The following COP1 variants were observed in gnomAD, a reference collection of about 807,000 sequenced individuals.
The protein encoded by COP1 is E3 ubiquitin-protein ligase COP1.
COP1 carries 24 observed loss-of-function variants against 101.3 expected under a neutral mutation model. The observed-to-expected ratio is 0.24, with a 90% confidence interval of 0.17 to 0.33. The LOEUF (loss-of-function observed/expected upper bound fraction) is 0.33, where lower values mean the gene tolerates loss of function less well. Ranked by LOEUF, COP1 falls within the 10% of genes least tolerant of loss-of-function variation. The pLI is 1.00. For missense variants in COP1, 663 were observed against 906.2 expected (o/e 0.73, Z 3.45); for synonymous variants, 347 against 341.9 (o/e 1.01, Z -0.17).
intron 10 of COP1, among the ~76,000 whole-genome samples, chr1:176,081,676 C>A (rs1679190693): frequency 6.6e-6 from 1 of 152,030 alleles, no homozygotes; most frequent in African/African-American, 2.4e-5. Context: ...TGTTTACTGG[C>A]ACACATATTT....
At chr1:176,134,035 ATAAT>A (rs1200553710) in intron 8 of COP1, 1 of 352,026 alleles carries the variant, frequency 2.8e-6, no homozygotes, top group Non-Finnish European at 5.6e-6. Flanking sequence ...TCTCCATACT[ATAAT>A]TAATGGGAAA....
At chr1:176,056,946 C>T (rs1673614336) in intron 11 of COP1, among the ~76,000 whole-genome samples, 2 of 152,124 alleles carry the variant, frequency 1.3e-5, no homozygotes, top group South Asian at 2.1e-4. Context: ...GTTATTTTTG[C>T]CCTTACTCTT....
At chr1:176,124,120 T>C (rs1436602537) in intron 8 of COP1, among the ~76,000 whole-genome samples, 2 of 152,142 alleles carry the variant, frequency 1.3e-5, no homozygotes, top group Non-Finnish European at 2.9e-5. Flanking sequence ...TTTTTTTAAA[T>C]TTTTAGTGTT....
At chr1:176,166,646 G>A (rs1013401932) in intron 3 of COP1, among the ~76,000 whole-genome samples, 2 of 151,996 alleles carry the variant, frequency 1.3e-5, no homozygotes, top group Non-Finnish European at 2.9e-5. Flanking sequence ...CTTGAAAAAC[G>A]ATATCCTAGG....
At chr1:176,063,222 G>C (rs1437180127) in intron 11 of COP1, among the ~76,000 whole-genome samples, 1 of 151,614 alleles carries the variant, frequency 6.6e-6, no homozygotes, top group Admixed American at 6.6e-5. Flanking sequence ...ACCGCGCCTG[G>C]CTAATTTTTT....
intron 9 of COP1, among the ~76,000 whole-genome samples, chr1:176,093,483 C>A (rs963573169): frequency 6.6e-6 from 1 of 151,270 alleles, no homozygotes; most frequent in Non-Finnish European, 1.5e-5. Flanking sequence ...CTGAGGTGGG[C>A]GGATTACAAG....
chr1:176,002,944 AAT>A lies in COP1; in HGVS notation c.1730-13467_1730-13466del, dbSNP rs1475870586. Among the ~76,000 whole-genome samples the A allele has an allele frequency of 6.7e-4, 101 of 149,872 alleles. 2 individuals carry two copies. The highest frequency in any genetic ancestry group is 2.4e-3 in the African/African-American group (98 of 40,964). On this transcript the variant is annotated intron_variant, in intron 15 of 19. Transcript: ENST00000367669. ...GAGGAATCGCCACACTGACTTCCACAATGGTTGAACTAGTTTACAGTCCCACC... is the reference window on the plus strand; with the variant it reads ...GAGGAATCGCCACACTGACTTCCACAGGTTGAACTAGTTTACAGTCCCACC...
At position 176,009,783 on chromosome 1, in the gene COP1, T is replaced by C. The variant is rs796862835; in HGVS notation, c.1729+17789A>G. ...GAATTTGTTCTGAGTTATAGTTACTTAGGAGACAGGGGCATATGAAGATGG... is the reference window on the plus strand; with the variant it reads ...GAATTTGTTCTGAGTTATAGTTACTCAGGAGACAGGGGCATATGAAGATGG... On this transcript the variant is annotated intron_variant, in intron 15 of 19. Transcript: ENST00000367669. 8.6e-5 allele frequency among the ~76,000 whole-genome samples: 13 copies of C among 151,158 alleles called. 1 individual carries two copies. The highest frequency in any genetic ancestry group is 2.9e-4 in the African/African-American group (12 of 41,178).
chr1:175,978,726 TC>T, intron 18 of COP1, among the ~76,000 whole-genome samples: 1 of 151,412 alleles, frequency 6.6e-6, no homozygotes, highest in African/African-American at 2.4e-5. Context: ...TTATAAACAA[TC>T]CAGTCAGAGG....
rs1672548429 is a variant in COP1 at position 176,051,510 on chromosome 1, A to G, written c.1278-5186T>C. ...CAGTACATATACTTGAAAATAAACA[A>G]CTGTTAATGGTTTGTGTATTTACTA... On this transcript the variant is annotated intron_variant, in intron 11 of 19. Coordinates refer to ENST00000367669, the MANE Select transcript of COP1 (RefSeq NM_022457.7). Among the ~76,000 whole-genome samples, 3 of 152,150 alleles carry G rather than the reference A, an allele frequency of 2.0e-5. 1 individual carries two copies. In the South Asian group the frequency reaches 6.2e-4, roughly 32 times the overall value.
intron 8 of COP1, among the ~76,000 whole-genome samples, chr1:176,129,148 G>A (rs931015642): frequency 2.0e-5 from 3 of 151,678 alleles, no homozygotes; most frequent in African/African-American, 7.3e-5. Flanking sequence ...AAATTCACAA[G>A]GTATTAGATC....
At chr1:175,957,875 C>G (rs960028625) in intron 18 of COP1, among the ~76,000 whole-genome samples, 1 of 152,114 alleles carries the variant, frequency 6.6e-6, no homozygotes, top group Non-Finnish European at 1.5e-5. Context: ...GGCAATAACA[C>G]AAGCATTTCA....
At chr1:175,992,229 A>T (rs542094968) in intron 15 of COP1, among the ~76,000 whole-genome samples, 1 of 152,314 alleles carries the variant, frequency 6.6e-6, no homozygotes, top group African/African-American at 2.4e-5. Context: ...CTAATTATAC[A>T]TTTTCAGTTA....
intron 11 of COP1, among the ~76,000 whole-genome samples, chr1:176,068,995 TCGG>T (rs1202602025): frequency 6.6e-6 from 1 of 152,106 alleles, no homozygotes; most frequent in African/African-American, 2.4e-5. Flanking sequence ...GAGACTGGCC[TCGG>T]CAACATGGTG....
chr1:176,016,334 C>A lies in COP1; in HGVS notation c.1729+11238G>T, dbSNP rs184087670. Among the ~76,000 whole-genome samples the A allele has an allele frequency of 3.2e-3, 480 of 151,948 alleles. 2 individuals carry two copies. The highest frequency in any genetic ancestry group is 0.01 in the Middle Eastern group (3 of 294). ...TATAGATGGGAGAGGTGAAAAAAAA[C>A]CAGAGGGTGTTGTTTTAGAATCCAA... On this transcript the variant is annotated intron_variant, in intron 15 of 19. Coordinates refer to ENST00000367669, the MANE Select transcript of COP1 (RefSeq NM_022457.7).
At chr1:175,954,350 T>A (rs1483802766) in intron 18 of COP1, among the ~76,000 whole-genome samples, 1 of 151,990 alleles carries the variant, frequency 6.6e-6, no homozygotes, top group African/African-American at 2.4e-5. Flanking sequence ...ATATAGTAAC[T>A]TGCACCTTAA....
At chr1:176,192,498 A>G (rs1699216846) in intron 1 of COP1, among the ~76,000 whole-genome samples, 1 of 152,156 alleles carries the variant, frequency 6.6e-6, no homozygotes, top group Admixed American at 6.6e-5. Context: ...ACACTACACC[A>G]AGAACTTTAG....
chr1:176,197,832 CA>C (rs1558302539), intron 1 of COP1, among the ~76,000 whole-genome samples: 1 of 151,964 alleles, frequency 6.6e-6, no homozygotes, highest in African/African-American at 2.4e-5. Context: ...TCATAAAATA[CA>C]AGGTCAACAT....
chr1:176,041,706 C>T (rs1035605895), intron 14 of COP1, among the ~76,000 whole-genome samples: 10 of 152,156 alleles, frequency 6.6e-5, no homozygotes, highest in Non-Finnish European at 1.3e-4. Context: ...TGGCTCACAC[C>T]GGTAATTCCA....
Sources: allele counts gnomAD v4.1 joint callset (sites outside exome capture counted in the v4.1 genomes callset), GRCh38; gene constraint gnomAD v4.1.1; transcripts MANE v1.5; gene names NCBI Gene and HGNC (gene_info 2026-07-23, HGNC 2026-07-21).